SULF2: variants seen among roughly 807,000 people sequenced by gnomAD.
The protein encoded by SULF2 is sulfatase 2.
In SULF2, 52 loss-of-function variants were observed where a neutral mutation model predicts 107.7. The observed-to-expected ratio is 0.48, with a 90% confidence interval of 0.39 to 0.61. The LOEUF is 0.61. SULF2 is among the 20% of genes least tolerant of loss of function. The pLI, the probability that SULF2 is intolerant of heterozygous loss-of-function variation, is 0.00. For missense variants in SULF2, 993 were observed against 1,177.3 expected (o/e 0.84, Z 2.29); for synonymous variants, 460 against 464.3 (o/e 0.99, Z 0.12).
At chr20:47,753,888 T>C (rs1049518886) in intron 2 of SULF2, among the ~76,000 whole-genome samples, 2 of 152,328 alleles carry the variant, frequency 1.3e-5, no homozygotes, top group South Asian at 2.1e-4. Context: ...TTTACCTCCA[T>C]GTGCTTCCCT....
chr20:47,676,587 G>A lies in SULF2; in HGVS notation c.1287C>T (p.Asp429=), dbSNP rs1343063624. The change falls in exon 10 of 21, where the codon GAC becomes GAT. Residue 429 remains aspartate (D), a synonymous_variant. Coordinates refer to ENST00000688720, the MANE Select transcript of SULF2 (RefSeq NM_001387048.1). ...LLHKRDNDKV[D]AQEENFLPKY... ...TGGGCAGAAAGTTCTCCTCCTGGGC[G>A]TCCACCTTGTCATTGTCTCTCTTGT... 1.3e-5 allele frequency: 20 copies of A among 1,562,062 alleles called. No homozygotes were observed. The highest frequency in any genetic ancestry group is 4.1e-5 in the African/African-American group (3 of 73,798).
chr20:47,704,999 C>T (rs1034420253), intron 3 of SULF2, among the ~76,000 whole-genome samples: 5 of 152,304 alleles, frequency 3.3e-5, no homozygotes, highest in African/African-American at 9.6e-5. Flanking sequence ...CCCTCTGCAG[C>T]GGTTTTCCTG....
chr20:47,744,756 C>T lies in SULF2; in HGVS notation c.176-7814G>A, dbSNP rs1001451738. Reference sequence around the variant, plus strand: ...CCTGGGGCCAGTCTGCTCCCAGGGGCCCCCAAGCTGTGCTTTCTTTCCTTG... The same window carrying T: ...CCTGGGGCCAGTCTGCTCCCAGGGGTCCCCAAGCTGTGCTTTCTTTCCTTG... On this transcript the variant is annotated intron_variant, in intron 2 of 20. Coordinates refer to ENST00000688720, the MANE Select transcript of SULF2 (RefSeq NM_001387048.1). Among the ~76,000 whole-genome samples the T allele has an allele frequency of 3.9e-5, 6 of 152,094 alleles. No individual in the cohort carries two copies. In the East Asian group the frequency reaches 1.2e-3, roughly 29 times the overall value.
At position 47,678,530 on chromosome 20, in the gene SULF2, G is replaced by GGGACCATGCTTCTCTC; in HGVS notation, c.1193+145_1193+146insGAGAGAAGCATGGTCC. ...GAGGGGACCATGCTTCTCTCCCACA[G>GGGACCATGCTTCTCTC]CAGGTAAGTGGTTGGCATGGCGGGA... On this transcript the variant is annotated intron_variant, in intron 8 of 20. Transcript: ENST00000688720. The surrounding 1 kb of genome is among the most constrained non-coding windows in gnomAD (Gnocchi z 4.5). The GGGACCATGCTTCTCTC allele has an allele frequency of 4.6e-5, 46 of 993,700 alleles. No homozygotes were observed. The highest frequency in any genetic ancestry group is 6.6e-5 in the Non-Finnish European group (44 of 670,402). The allele number at this position is 993,700 out of a possible 1,614,324, so 61.6% of individuals were successfully genotyped here.
chr20:47,723,475 G>A (rs769481493), intron 3 of SULF2, among the ~76,000 whole-genome samples: 2 of 152,208 alleles, frequency 1.3e-5, no homozygotes, highest in Non-Finnish European at 2.9e-5. Flanking sequence ...CAGACAGGTA[G>A]ACAGGTAGCG....
At chr20:47,701,562 G>A (rs1405448692) in intron 4 of SULF2, among the ~76,000 whole-genome samples, 2 of 152,314 alleles carry the variant, frequency 1.3e-5, no homozygotes, top group South Asian at 2.1e-4. Context: ...GCTCAGCAAC[G>A]CTGCTGTGAG....
At position 47,731,182 on chromosome 20, in the gene SULF2, C is replaced by CTTT. The variant is rs1342480404; in HGVS notation, c.415+5520_415+5521insAAA. ...GACTCTGCCTGCTACTCACCTGTAT[C>CTTT]TTCTCTTTTTTTTTTTTTTTTTTTT... On this transcript the variant is annotated intron_variant, in intron 3 of 20. Transcript: ENST00000688720. 1.2e-3 allele frequency among the ~76,000 whole-genome samples: 116 copies of CTTT among 99,558 alleles called. 2 individuals are homozygous for CTTT. The highest frequency in any genetic ancestry group is 5.8e-3 in the Middle Eastern group (1 of 172). The allele number at this position is 99,558 out of a possible 152,430, so 65.3% of individuals were successfully genotyped here.
rs1207235012 is a variant in SULF2 at position 47,678,967 on chromosome 20, G to A, written c.1065-163C>T. ...CTCAACCTCAGCAGCTCCCCTCTGC[G>A]GCCCAGATTCAGCTGAACCCCCACT... On this transcript the variant is annotated intron_variant, in intron 7 of 20. Coordinates refer to ENST00000688720, the MANE Select transcript of SULF2 (RefSeq NM_001387048.1). This position sits in a 1 kb window ranked among gnomAD's most constrained non-coding sequence, Gnocchi z 4.5. Among the ~76,000 whole-genome samples the A allele has an allele frequency of 6.6e-6, 1 of 151,800 alleles. No individual in the cohort carries two copies. The highest frequency in any genetic ancestry group is 1.5e-5 in the Non-Finnish European group (1 of 67,960).
chr20:47,718,067 T>G (rs1257483561), intron 3 of SULF2, among the ~76,000 whole-genome samples: 3 of 152,136 alleles, frequency 2.0e-5, no homozygotes, highest in Non-Finnish European at 4.4e-5. Context: ...TCCACCTGCC[T>G]CGGCCTCCCA....
chr20:47,714,106 A>G (rs768364977), intron 3 of SULF2, among the ~76,000 whole-genome samples: 3 of 152,244 alleles, frequency 2.0e-5, no homozygotes, highest in Non-Finnish European at 4.4e-5. Flanking sequence ...AAGCCTGTGG[A>G]AAGTCCGTCC....
At chr20:47,738,339 C>T (rs2089796152) in intron 2 of SULF2, among the ~76,000 whole-genome samples, 1 of 152,228 alleles carries the variant, frequency 6.6e-6, no homozygotes, top group East Asian at 1.9e-4. Flanking sequence ...GAAACCCTCT[C>T]TCCTTCTTCT....
At position 47,717,553 on chromosome 20, in the gene SULF2, G is replaced by C. The variant is rs114267228; in HGVS notation, c.416-14883C>G. Among the ~76,000 whole-genome samples, 842 of 152,230 alleles carry C rather than the reference G, an allele frequency of 5.5e-3. 10 individuals are homozygous for C. The highest frequency in any genetic ancestry group is 0.019 in the African/African-American group (798 of 41,530). Reference sequence around the variant, plus strand: ...CACACACAAATGGGACTCAGCCTCCGAGAGCTCCTCCTCTCCGATGTGGCT... The same window carrying C: ...CACACACAAATGGGACTCAGCCTCCCAGAGCTCCTCCTCTCCGATGTGGCT... On this transcript the variant is annotated intron_variant, in intron 3 of 20. Transcript: ENST00000688720.
At chr20:47,758,700 T>C (rs1414149964) in intron 1 of SULF2, among the ~76,000 whole-genome samples, 5 of 152,142 alleles carry the variant, frequency 3.3e-5, no homozygotes, top group Non-Finnish European at 7.3e-5. Context: ...TTTTTTCACT[T>C]CTTGAGGAAA....
chr20:47,675,977 C>T (rs577149755), intron 10 of SULF2, among the ~76,000 whole-genome samples: 223 of 152,330 alleles, frequency 1.5e-3, no homozygotes, highest in African/African-American at 5.2e-3. Context: ...AAGCCATCCT[C>T]CCGCCTCAGC....
intron 1 of SULF2, among the ~76,000 whole-genome samples, chr20:47,769,192 C>G (rs982072005): frequency 3.3e-5 from 5 of 152,090 alleles, no homozygotes; most frequent in Non-Finnish European, 7.4e-5. Context: ...AGGTGCCCAC[C>G]ACCACGCCCG....
In SULF2 at chr20:47,666,833, G is replaced by A. The variant is rs371540369; in HGVS notation, c.1577-345C>T. 2.1e-3 allele frequency among the ~76,000 whole-genome samples: 321 copies of A among 152,360 alleles called. 1 individual carries two copies. The highest frequency in any genetic ancestry group is 7.3e-3 in the African/African-American group (302 of 41,592). ...AGGAGCGAGGTTCTGATTCACGCTA[G>A]AGCGTGGATGAATGTCAAAAGCAGG... On this transcript the variant is annotated intron_variant, in intron 11 of 20. Coordinates refer to ENST00000688720, the MANE Select transcript of SULF2 (RefSeq NM_001387048.1). The surrounding 1 kb of genome is among the most constrained non-coding windows in gnomAD (Gnocchi z 5.4).
intron 1 of SULF2, among the ~76,000 whole-genome samples, chr20:47,769,714 C>T (rs898577788): frequency 6.6e-6 from 1 of 152,140 alleles, no homozygotes; most frequent in African/African-American, 2.4e-5. Flanking sequence ...GGATCAGACA[C>T]CAAAATAAAT....
chr20:47,663,359 ACC>A, intron 16 of SULF2, 92 bp downstream of exon 16: 1 of 1,576,636 alleles, frequency 6.3e-7, no homozygotes, highest in Non-Finnish European at 8.6e-7. Context: ...GGTGTTGGGG[ACC>A]CCCTTTCTGA....
chr20:47,776,389 T>C (rs952833996), intron 1 of SULF2, among the ~76,000 whole-genome samples: 3 of 152,318 alleles, frequency 2.0e-5, no homozygotes, highest in East Asian at 3.9e-4. Context: ...TTTCCTCCTT[T>C]GTAAAACGGG....
Sources: allele counts gnomAD v4.1 joint callset (sites outside exome capture counted in the v4.1 genomes callset), GRCh38; gene constraint gnomAD v4.1.1; non-coding constraint Gnocchi (gnomAD v3.1); transcripts MANE v1.5; gene names NCBI Gene and HGNC (gene_info 2026-07-23, HGNC 2026-07-21).